Variants in PRKN observed in about 807,000 individuals in gnomAD.
PRKN encodes parkin RBR E3 ubiquitin protein ligase.
PRKN carries 56 observed loss-of-function variants against 59.5 expected under a neutral mutation model. The ratio of observed to expected loss-of-function variants is 0.94; its 90% CI spans 0.76 to 1.18. The LOEUF is 1.18. PRKN is among the 50% of genes most tolerant of loss of function. The pLI is 0.00. For missense variants in PRKN, 657 were observed against 596.4 expected (o/e 1.10, Z -1.06); for synonymous variants, 250 against 222.1 (o/e 1.13, Z -1.12).
At chr6:162,135,841 T>C (rs1781542358) in intron 4 of PRKN, among the ~76,000 whole-genome samples, 1 of 152,140 alleles carries the variant, frequency 6.6e-6, no homozygotes, top group Non-Finnish European at 1.5e-5. Context: ...CTCCTTGGGA[T>C]TGCAAACCAC....
At position 161,792,269 on chromosome 6, in the gene PRKN, C is replaced by T. The variant is rs190098859; in HGVS notation, c.735-6361G>A. Among the ~76,000 whole-genome samples, 18 of 152,304 alleles carry T rather than the reference C, an allele frequency of 1.2e-4. No individual in the cohort carries two copies. The East Asian group carries it at 2.9e-3, about 25-fold the overall frequency. Reference sequence around the variant, plus strand: ...TACTTTGTTATTCAGCAATATCTAACTAATTCAGGTTCAGAGGAGGAGGAG... The same window carrying T: ...TACTTTGTTATTCAGCAATATCTAATTAATTCAGGTTCAGAGGAGGAGGAG... On this transcript the variant is annotated intron_variant, in intron 6 of 11. Transcript: ENST00000366898.
chr6:162,560,187 G>A, intron 1 of PRKN, among the ~76,000 whole-genome samples: 1 of 152,162 alleles, frequency 6.6e-6, no homozygotes, highest in Admixed American at 6.5e-5. Flanking sequence ...TTTCATTAAG[G>A]TGATTTCATT....
intron 7 of PRKN, among the ~76,000 whole-genome samples, chr6:161,616,811 G>C (rs927638776): frequency 2.2e-4 from 34 of 152,174 alleles, no homozygotes; most frequent in African/African-American, 8.0e-4. Context: ...GTCTATCATT[G>C]ATGGGCATTT....
intron 7 of PRKN, among the ~76,000 whole-genome samples, chr6:161,675,206 C>T (rs1785043700): frequency 6.6e-6 from 1 of 152,034 alleles, no homozygotes; most frequent in African/African-American, 2.4e-5. Context: ...AAATTGAAAC[C>T]CAACTCCCCA....
intron 2 of PRKN, among the ~76,000 whole-genome samples, chr6:162,320,974 T>G (rs1236163159): frequency 1.3e-5 from 2 of 150,626 alleles, no homozygotes; most frequent in Non-Finnish European, 3.0e-5. Context: ...AAACAAAAAA[T>G]GAAGAGCAAA....
intron 6 of PRKN, among the ~76,000 whole-genome samples, chr6:161,846,003 G>A (rs990962969): frequency 6.6e-6 from 1 of 152,200 alleles, no homozygotes; most frequent in Non-Finnish European, 1.5e-5. Flanking sequence ...TTGCTCAATA[G>A]TGGATTTTAA....
At chr6:161,486,279 G>T (rs1201628670) in intron 9 of PRKN, among the ~76,000 whole-genome samples, 1 of 151,708 alleles carries the variant, frequency 6.6e-6, no homozygotes, top group South Asian at 2.1e-4. Flanking sequence ...TTACAATTTT[G>T]TAATGCACTT....
chr6:162,382,420 T>A lies in PRKN; in HGVS notation c.171+60890A>T, dbSNP rs550355640. Among the ~76,000 whole-genome samples the A allele has an allele frequency of 2.6e-5, 4 of 152,262 alleles. No individual in the cohort carries two copies. The East Asian group carries it at 7.7e-4, about 29-fold the overall frequency. ...ATAGCAATACAGGGAGGCATACAAG[T>A]TTTGTGGTTTCCTAGTGAATAGAAA... On this transcript the variant is annotated intron_variant, in intron 2 of 11. Transcript: ENST00000366898.
intron 2 of PRKN, among the ~76,000 whole-genome samples, chr6:162,405,907 T>C (rs1583516243): frequency 6.6e-6 from 1 of 152,060 alleles, no homozygotes; most frequent in South Asian, 2.1e-4. Flanking sequence ...ATGGCGGCCC[T>C]AGCAAACTAA....
intron 6 of PRKN, among the ~76,000 whole-genome samples, chr6:161,880,762 C>T (rs1376361711): frequency 6.6e-6 from 1 of 152,116 alleles, no homozygotes; most frequent in African/African-American, 2.4e-5. Flanking sequence ...TTTTCATTTC[C>T]ATTGAAGAGT....
intron 9 of PRKN, among the ~76,000 whole-genome samples, chr6:161,435,125 A>G (rs1300073508): frequency 6.6e-6 from 1 of 152,188 alleles, no homozygotes; most frequent in Non-Finnish European, 1.5e-5. Flanking sequence ...ATGGGAAGAA[A>G]TAACACATGG....
At chr6:162,007,769 A>G (rs1383504588) in intron 5 of PRKN, among the ~76,000 whole-genome samples, 1 of 152,170 alleles carries the variant, frequency 6.6e-6, no homozygotes, top group Admixed American at 6.5e-5. Context: ...GTTCCAAATC[A>G]ATTCGAATTT....
chr6:162,203,064 A>G lies in PRKN; in HGVS notation c.413-1812T>C, dbSNP rs531746135. Among the ~76,000 whole-genome samples, 4 of 152,306 alleles carry G rather than the reference A, an allele frequency of 2.6e-5. No individual in the cohort carries two copies. In the South Asian group the frequency reaches 6.2e-4, roughly 24 times the overall value. ...AATACGCTAGCATTGTTGAAAGAGC[A>G]TATTAGCAAGAGTTTTACAATATTA... On this transcript the variant is annotated intron_variant, in intron 3 of 11. Coordinates refer to ENST00000366898, the MANE Select transcript of PRKN (RefSeq NM_004562.3).
chr6:161,472,983 A>G (rs1467389242), intron 9 of PRKN, among the ~76,000 whole-genome samples: 1 of 152,212 alleles, frequency 6.6e-6, no homozygotes, highest in African/African-American at 2.4e-5. Flanking sequence ...GGCCATTATC[A>G]AAAAGACATA....
At chr6:162,548,474 C>T (rs1320835615) in intron 1 of PRKN, among the ~76,000 whole-genome samples, 1 of 151,966 alleles carries the variant, frequency 6.6e-6, no homozygotes, top group Non-Finnish European at 1.5e-5. Flanking sequence ...AGTCTTAAAT[C>T]TGGACCCAGG....
intron 6 of PRKN, among the ~76,000 whole-genome samples, chr6:161,970,420 T>C (rs552207966): frequency 2.6e-4 from 39 of 149,476 alleles, no homozygotes; most frequent in Middle Eastern, 6.9e-3. Flanking sequence ...TATATATATA[T>C]ACATACACAC....
At chr6:162,520,217 A>G (rs893869332) in intron 1 of PRKN, among the ~76,000 whole-genome samples, 1 of 152,234 alleles carries the variant, frequency 6.6e-6, no homozygotes, top group Non-Finnish European at 1.5e-5. Flanking sequence ...AGACATCTAC[A>G]CTATGGTACA....
At chr6:161,667,056 T>G (rs1378885202) in intron 7 of PRKN, among the ~76,000 whole-genome samples, 1 of 152,174 alleles carries the variant, frequency 6.6e-6, no homozygotes, top group Non-Finnish European at 1.5e-5. Context: ...CTTCTATGAT[T>G]AACACAGCCA....
intron 4 of PRKN, among the ~76,000 whole-genome samples, chr6:162,145,069 T>C (rs796505977): frequency 3.4e-4 from 52 of 152,332 alleles, no homozygotes; most frequent in African/African-American, 1.0e-3. Flanking sequence ...GAAAAATCCC[T>C]GATGACTTCC....
Sources: allele counts gnomAD v4.1 joint callset (sites outside exome capture counted in the v4.1 genomes callset), GRCh38; gene constraint gnomAD v4.1.1; transcripts MANE v1.5; gene names NCBI Gene and HGNC (gene_info 2026-07-23, HGNC 2026-07-21).